The following TRIOBP variants were observed in gnomAD, a reference collection of about 807,000 sequenced individuals.
TRIOBP encodes TRIO and F-actin binding protein.
In TRIOBP, 169 loss-of-function variants were observed where a neutral mutation model predicts 238.8. The observed-to-expected ratio is 0.71, with a 90% CI of 0.62 to 0.80. TRIOBP has a LOEUF of 0.80. TRIOBP is among the 30% of genes least tolerant of loss of function. The probability of loss-of-function intolerance (pLI) is 0.00; values close to 1 mark genes in which losing one functional copy is unlikely to be tolerated. For missense variants in TRIOBP, 2,838 were observed against 3,122.6 expected, an observed-to-expected ratio of 0.91 and a Z score of 2.17; for synonymous variants, 1,150 against 1,274.4, an observed-to-expected ratio of 0.90 and a Z score of 2.08.
intron 12 of TRIOBP, among the ~76,000 whole-genome samples, chr22:37,754,339 A>G (rs996438753): frequency 2.1e-5 from 3 of 145,286 alleles, no homozygotes; most frequent in African/African-American, 7.7e-5. Flanking sequence ...TGAACTCAGG[A>G]GGAGGGGGAG....
chr22:37,718,981 G>A (rs1353780653), intron 6 of TRIOBP, among the ~76,000 whole-genome samples: 1 of 150,474 alleles, frequency 6.6e-6, no homozygotes, highest in Non-Finnish European at 1.5e-5. Context: ...TGAGTAGCTG[G>A]GACTATAGGT....
chr22:37,766,079 C>T (rs1926481214), intron 18 of TRIOBP, among the ~76,000 whole-genome samples: 1 of 152,218 alleles, frequency 6.6e-6, no homozygotes. Flanking sequence ...GCTCAGGGGC[C>T]TGCAGCCACC....
At chr22:37,751,904 G>A in intron 12 of TRIOBP, 76 bp downstream of exon 12, 1 of 1,496,738 alleles carries the variant, frequency 6.7e-7, no homozygotes, top group Non-Finnish European at 9.2e-7. Context: ...AGGAGTGGGG[G>A]TGGGGCTGGG....
chr22:37,772,645 G>T lies in TRIOBP; in HGVS notation c.6981G>T (p.Glu2327Asp). 6.2e-7 allele frequency: 1 copy of T among 1,614,186 alleles called. No homozygotes were observed. Among genetic ancestry groups the T allele is most frequent in the Non-Finnish European group, 8.5e-7 (1 of 1,180,040 alleles). The change falls in exon 23 of 24, where the codon GAG becomes GAT. Residue 2327 changes from glutamate (E) to aspartate (D), a missense_variant. Physicochemically the swap from Glu to Asp is conservative, Grantham distance 45. Coordinates refer to ENST00000644935, the MANE Select transcript of TRIOBP (RefSeq NM_001039141.3). ...TSGKYQDVYV[E>D]LSHIKTRSER... is the part of the protein sequence containing the mutation. ...GAAAGTACCAGGACGTCTATGTGGA[G>T]CTGAGCCACATCAAGACACGGTCTG...
In TRIOBP at chr22:37,726,395, G is replaced by T; in HGVS notation, c.3839G>T (p.Arg1280Met). ...YTVLADLPPP[R>M]RLAQRQPGPQ... ...GTGCTGGCCGACCTGCCCCCACCCA[G>T]GAGGCTGGCCCAGAGACAGCCAGGG... Residue 1280 changes from arginine to methionine, a missense_variant, in exon 7 of 24, where the codon AGG (arginine) becomes ATG (methionine). Transcript: ENST00000644935. The T allele has an allele frequency of 6.3e-7, 1 of 1,587,398 alleles. No homozygotes were observed.
In TRIOBP at chr22:37,715,748, C is replaced by A. The variant is rs761837728; in HGVS notation, c.457-15C>A. Reference sequence around the variant, plus strand: ...TTCTCCCGCAAACATACTTTCTCCTCCCCTTCTCTGGCAGGACTGGGACAC... The same window carrying A: ...TTCTCCCGCAAACATACTTTCTCCTACCCTTCTCTGGCAGGACTGGGACAC... On this transcript the variant is annotated splice_polypyrimidine_tract_variant and intron_variant, in intron 5 of 23. Coordinates refer to ENST00000644935, the MANE Select transcript of TRIOBP (RefSeq NM_001039141.3). The A allele has an allele frequency of 4.3e-6, 7 of 1,613,394 alleles. No homozygotes were observed. In the East Asian group the frequency reaches 1.6e-4, roughly 36 times the overall value.
In TRIOBP at chr22:37,701,293, T is replaced by C; in HGVS notation, c.-60-13T>C. On this transcript the variant is annotated splice_polypyrimidine_tract_variant and intron_variant, in intron 2 of 23. Coordinates refer to ENST00000644935, the MANE Select transcript of TRIOBP (RefSeq NM_001039141.3). ...CAGTCATCTGGTCTTTGCCTCCCCC[T>C]CATTTTTGCCAGGCCTCACATAGAC... 1 of 1,236,028 alleles carries C rather than the reference T, an allele frequency of 8.1e-7. No individual in the cohort carries two copies. The allele number at this position is 1,236,028 out of a possible 1,614,324, so 76.6% of individuals were successfully genotyped here.
chr22:37,722,209 CAG>C (rs1286159126), intron 6 of TRIOBP, among the ~76,000 whole-genome samples: 3 of 150,482 alleles, frequency 2.0e-5, no homozygotes, highest in East Asian at 1.9e-4. Context: ...TACAAAAAAA[CAG>C]GGGCTTTCTA....
In TRIOBP at chr22:37,726,120, C is replaced by T; in HGVS notation, c.3564C>T (p.Phe1188=). 6.4e-7 allele frequency: 1 copy of T among 1,554,338 alleles called. No homozygotes were observed. The highest frequency in any genetic ancestry group is 8.7e-7 in the Non-Finnish European group (1 of 1,144,882). The change falls in exon 7 of 24, where the codon TTC becomes TTT. Residue 1188 remains phenylalanine, a synonymous_variant. Transcript: ENST00000644935. The part of the protein sequence containing the change: ...PRQAPEPSLF[F]QDPPGTSMES... ...AGGCTCCTGAGCCATCCCTCTTCTTCCAGGATCCCCCTGGAACTAGTATGG... is the reference window on the plus strand; with the variant it reads ...AGGCTCCTGAGCCATCCCTCTTCTTTCAGGATCCCCCTGGAACTAGTATGG...
At chr22:37,701,227 A>T in intron 2 of TRIOBP, 79 bp from the exon 3 acceptor site, 1 of 697,404 alleles carries the variant, frequency 1.4e-6, no homozygotes, top group South Asian at 1.5e-5. Context: ...CTTGTCTGGA[A>T]ACTGGGGCAA....
chr22:37,716,737 C>G (rs776738177), intron 6 of TRIOBP, among the ~76,000 whole-genome samples: 1 of 152,186 alleles, frequency 6.6e-6, no homozygotes. Flanking sequence ...AGGGAGCCAC[C>G]GAAGGTTTTT....
chr22:37,772,672 G>C lies in TRIOBP; in HGVS notation c.7008G>C (p.Glu2336Asp), dbSNP rs1379504543. Residue 2336 changes from glutamate (E) to aspartate (D), a missense_variant, in exon 23 of 24, where the codon GAG becomes GAC. Physicochemically the swap from Glu to Asp is conservative, Grantham distance 45. Around this residue, in one of 5 missense-constraint regions of TRIOBP, gnomAD observed 2,096 missense variants for 2,137.4 expected, o/e 0.98. Coordinates refer to ENST00000644935, the MANE Select transcript of TRIOBP (RefSeq NM_001039141.3). The part of the protein sequence containing the change: ...VELSHIKTRS[E>D]REIEQLKEHL... ...TGAGCCACATCAAGACACGGTCTGA[G>C]CGGGAGATCGAGCAGCTGAAGGAGC... is the stretch of plus-strand genomic sequence containing the variant. The C allele has an allele frequency of 6.2e-7, 1 of 1,614,164 alleles. No individual in the cohort carries two copies. The highest frequency in any genetic ancestry group is 1.1e-5 in the South Asian group (1 of 91,082).
At chr22:37,749,771 A>AC (rs1925481958) in intron 11 of TRIOBP, among the ~76,000 whole-genome samples, 1 of 112,772 alleles carries the variant, frequency 8.9e-6, no homozygotes, top group Non-Finnish European at 1.8e-5. Flanking sequence ...ACATAGGGAG[A>AC]CCCCATCTCT....
At chr22:37,767,159 G>C (rs918514328) in intron 18 of TRIOBP, among the ~76,000 whole-genome samples, 1 of 152,138 alleles carries the variant, frequency 6.6e-6, no homozygotes, top group African/African-American at 2.4e-5. Flanking sequence ...GCTGAGGCAG[G>C]AGAATCGCTT....
intron 3 of TRIOBP, among the ~76,000 whole-genome samples, chr22:37,704,684 C>A (rs1168363420): frequency 2.6e-5 from 4 of 151,676 alleles, no homozygotes; most frequent in African/African-American, 4.9e-5. Flanking sequence ...GACATTTCAG[C>A]TGCTTAGTAA....
rs201529268 is a variant in TRIOBP, at chr22:37,759,426, G to A, written c.6324+162G>A. 376 of 1,329,812 alleles carry A rather than the reference G, an allele frequency of 2.8e-4. 2 individuals are homozygous for A. The highest frequency in any genetic ancestry group is 2.0e-3 in the Middle Eastern group (11 of 5,550). 82.4% of individuals were successfully genotyped at this position (1,329,812 alleles called of 1,614,324 possible). A position where few individuals can be genotyped will look rare whatever the true frequency, so the allele number is the denominator to read the frequency against. ...TTTACTCTCCCCACAGCTGGTGGGC[G>A]TGATCACTGTGCCCGTTTTACAGAC... is the stretch of plus-strand genomic sequence containing the variant. On this transcript the variant is annotated intron_variant, in intron 17 of 23. Coordinates refer to ENST00000644935, the MANE Select transcript of TRIOBP (RefSeq NM_001039141.3).
chr22:37,767,985 A>AC, intron 18 of TRIOBP, 89 bp from the exon 19 acceptor site: 1 of 971,718 alleles, frequency 1.0e-6, no homozygotes, highest in Non-Finnish European at 1.6e-6. Context: ...ATAGTACTCC[A>AC]CCAGTACATG....
chr22:37,725,833 G>C lies in TRIOBP; in HGVS notation c.3277G>C (p.Asp1093His). Reference sequence around the variant, plus strand: ...CTTCCCCTTCCTCCCAGACACATCAGATGCCGAGCATCAGTGTCAGTCCCC... The same window carrying C: ...CTTCCCCTTCCTCCCAGACACATCACATGCCGAGCATCAGTGTCAGTCCCC... ...DPFPFLPDTS[D>H]AEHQCQSPQH... Residue 1093 changes from aspartate (D) to histidine (H), a missense_variant, in exon 7 of 24, where the codon GAT becomes CAT. Coordinates refer to ENST00000644935, the MANE Select transcript of TRIOBP (RefSeq NM_001039141.3). The C allele has an allele frequency of 6.3e-7, 1 of 1,599,006 alleles. No individual in the cohort carries two copies. The highest frequency in any genetic ancestry group is 8.5e-7 in the Non-Finnish European group (1 of 1,176,952).
Position 37,735,119 on chromosome 22 carries a change from C to T in TRIOBP, c.4783C>T (p.Arg1595Cys), listed in dbSNP as rs201117318. ...LLELLQARLP[R>C]KDPAGHRDDL... The stretch of plus-strand genomic sequence containing the variant: ...GGAGCTCCTGCAGGCCAGGCTGCCC[C>T]GCAAGGACCCAGCTGGACACAGGGA... Residue 1595 changes from arginine (R) to cysteine (C), a missense_variant, in exon 9 of 24, where the codon CGC becomes TGC. Transcript: ENST00000644935. 8.2e-5 allele frequency: 132 copies of T among 1,609,002 alleles called. 1 individual carries two copies. In the African/African-American group the frequency reaches 1.4e-3, roughly 17 times the overall value.
Sources: gnomAD v4.1 joint callset for allele counts (sites outside exome capture counted in the v4.1 genomes callset) on GRCh38, gnomAD v4.1.1 for gene constraint, gnomAD v4.1.1 regional missense constraint, MANE v1.5 for transcripts, NCBI Gene and HGNC (gene_info 2026-07-23, HGNC 2026-07-21) for gene names.